Variants in AKR1C3 observed in about 807,000 individuals in gnomAD.
AKR1C3 encodes aldo-keto reductase family 1 member C3, also known as 3-alpha hydroxysteroid dehydrogenase, type II.
Under a neutral mutation model 43.6 loss-of-function variants are expected in AKR1C3, and 48 were observed. That is an observed-to-expected ratio of 1.10 (90% CI 0.87 to 1.40). The LOEUF is 1.40. Among genes scored for constraint, AKR1C3 ranks in the 40% most tolerant of loss-of-function variants. The pLI is 0.00. For missense variants in AKR1C3, 482 were observed against 391.2 expected (o/e 1.23, Z -1.96); for synonymous variants, 162 against 139.6 (o/e 1.16, Z -1.13).
intron 3 of AKR1C3, 47 bp downstream of exon 3, chr10:5,097,597 A>G (rs1554785357): frequency 6.2e-7 from 1 of 1,611,206 alleles, no homozygotes; most frequent in Admixed American, 1.7e-5. Context: ...CTGTCATTAT[A>G]AACATTGTTT....
upstream of AKR1C3, among the ~76,000 whole-genome samples, chr10:5,091,807 A>T (rs1839096346): frequency 6.6e-6 from 1 of 152,144 alleles, no homozygotes; most frequent in Non-Finnish European, 1.5e-5. Context: ...TTTGTATTTT[A>T]AACGTTGAAG....
upstream of AKR1C3, among the ~76,000 whole-genome samples, chr10:5,093,195 A>G (rs1309497433): frequency 6.6e-6 from 1 of 151,950 alleles, no homozygotes; most frequent in Non-Finnish European, 1.5e-5. Context: ...ATCATACTAC[A>G]TTTCTACTCA....
rs1208772849 is a variant in AKR1C3 at position 5,098,814 on chromosome 10, C to A, written c.382C>A (p.Leu128Ile). Residue 128 changes from leucine to isoleucine, a missense_variant, in exon 4 of 9, where the codon CTT becomes ATT. Coordinates refer to ENST00000380554, the MANE Select transcript of AKR1C3 (RefSeq NM_003739.6). ...GCTTCTATTTCAGCCAGGTGAGGAA[C>A]TTTCACCAACAGATGAAAATGGAAA... ...SPMSLKPGEELSPTDENGKVI... is the reference protein window; with the variant it reads ...SPMSLKPGEEISPTDENGKVI... 6.2e-7 allele frequency: 1 copy of A among 1,613,350 alleles called. No individual in the cohort carries two copies. The highest frequency in any genetic ancestry group is 1.1e-5 in the South Asian group (1 of 90,892).
At chr10:5,095,518 G>T (rs536718860) in intron 1 of AKR1C3, among the ~76,000 whole-genome samples, 1 of 151,440 alleles carries the variant, frequency 6.6e-6, no homozygotes. Context: ...AGGAGATGGC[G>T]GGGAGACCGT....
At chr10:5,064,803 A>T (rs1222898173) in intron 1 of AKR1C3, among the ~76,000 whole-genome samples, 1 of 152,132 alleles carries the variant, frequency 6.6e-6, no homozygotes, top group African/African-American at 2.4e-5. Context: ...TCATTAGAGG[A>T]ATGTAAATCA....
intron 8 of AKR1C3, among the ~76,000 whole-genome samples, chr10:5,106,255 T>G (rs1260057238): frequency 6.6e-6 from 1 of 152,166 alleles, no homozygotes; most frequent in Non-Finnish European, 1.5e-5. Flanking sequence ...GTGGAGTGAA[T>G]AGGAGCGCTT....
intron 1 of AKR1C3, among the ~76,000 whole-genome samples, chr10:5,060,335 G>A (rs550309225): frequency 6.6e-6 from 1 of 152,286 alleles, no homozygotes; most frequent in Admixed American, 6.5e-5. Context: ...TTTACAGAGA[G>A]CCGATTGGTC....
intron 1 of AKR1C3, among the ~76,000 whole-genome samples, chr10:5,052,628 G>A (rs1554779078): frequency 1.3e-5 from 2 of 151,982 alleles, no homozygotes; most frequent in Non-Finnish European, 2.9e-5. Flanking sequence ...TAGACACACG[G>A]TGCTAATTGG....
chr10:5,100,209 G>A (rs1332007166), intron 5 of AKR1C3, among the ~76,000 whole-genome samples: 2 of 152,134 alleles, frequency 1.3e-5, no homozygotes, highest in African/African-American at 4.8e-5. Context: ...CAGGAGAATC[G>A]CTTGAACCCA....
intron 1 of AKR1C3, among the ~76,000 whole-genome samples, chr10:5,067,651 C>A (rs539959837): frequency 6.6e-6 from 1 of 152,186 alleles, no homozygotes; most frequent in Non-Finnish European, 1.5e-5. Flanking sequence ...TGAATGACAT[C>A]CTTTCATAAA....
chr10:5,048,795 C>A (rs781784536), upstream of AKR1C3: 1 of 1,610,742 alleles, frequency 6.2e-7, no homozygotes, highest in South Asian at 1.1e-5. Context: ...CATTTGCTAG[C>A]CAGCTGAGTG....
At chr10:5,099,812 T>C (rs1588356951) in intron 5 of AKR1C3, 1 of 230,018 alleles carries the variant, frequency 4.3e-6, no homozygotes, top group East Asian at 1.0e-4. Flanking sequence ...TGTATAGATA[T>C]GAAGCTAGGA....
intron 1 of AKR1C3, among the ~76,000 whole-genome samples, chr10:5,082,262 C>G (rs1208024420): frequency 2.6e-5 from 4 of 152,122 alleles, no homozygotes; most frequent in African/African-American, 9.7e-5. Context: ...ATTTTTGCTA[C>G]TTAAATGCCT....
chr10:5,087,004 G>C (rs1463459671), intron 1 of AKR1C3, among the ~76,000 whole-genome samples: 3 of 152,116 alleles, frequency 2.0e-5, no homozygotes, highest in Non-Finnish European at 4.4e-5. Flanking sequence ...GCACACTGAT[G>C]GGTCTTGACT....
chr10:5,096,805 T>C (rs1242031415), intron 2 of AKR1C3, among the ~76,000 whole-genome samples: 5 of 152,198 alleles, frequency 3.3e-5, no homozygotes. Context: ...TTTTTTGAGC[T>C]TCAGCTGAGA....
In AKR1C3 at chr10:5,102,098, C is replaced by T. The variant is rs533218612; in HGVS notation, c.571-3C>T. On this transcript the variant is annotated splice_polypyrimidine_tract_variant and splice_region_variant and intron_variant, in intron 5 of 8. Coordinates refer to ENST00000380554, the MANE Select transcript of AKR1C3 (RefSeq NM_003739.6). ...GATGCTTCTCTCTTTTGGTCAACTG[C>T]AGGTAGAATGTCATCCGTATTTCAA... 7 of 1,589,232 alleles carry T rather than the reference C, an allele frequency of 4.4e-6. No individual in the cohort carries two copies. The highest frequency in any genetic ancestry group is 1.7e-4 in the Middle Eastern group (1 of 5,984).
chr10:5,059,480 T>G (rs1838333889), intron 1 of AKR1C3, among the ~76,000 whole-genome samples: 1 of 152,132 alleles, frequency 6.6e-6, no homozygotes, highest in Admixed American at 6.5e-5. Context: ...TGCATGGTTT[T>G]CCTCTCTGTT....
chr10:5,091,780 ATACT>A (rs1355453619), upstream of AKR1C3, among the ~76,000 whole-genome samples: 2 of 152,156 alleles, frequency 1.3e-5, no homozygotes, highest in Non-Finnish European at 2.9e-5. Context: ...ACATAGATTT[ATACT>A]TACTTGTACA....
intron 1 of AKR1C3, among the ~76,000 whole-genome samples, chr10:5,049,949 A>T (rs548539981): frequency 6.6e-6 from 1 of 152,324 alleles, no homozygotes; most frequent in African/African-American, 2.4e-5. Flanking sequence ...TCATTGCCAA[A>T]TCTGCACCTT....
Sources: allele counts gnomAD v4.1 joint callset (sites outside exome capture counted in the v4.1 genomes callset), GRCh38; gene constraint gnomAD v4.1.1; transcripts MANE v1.5; gene names NCBI Gene and HGNC (gene_info 2026-07-23, HGNC 2026-07-21).